SI: variants seen among roughly 807,000 people sequenced by gnomAD.
SI encodes sucrase-isomaltase, intestinal.
SI carries 235 observed loss-of-function variants against 253.3 expected under a neutral mutation model. The ratio of observed to expected loss-of-function variants is 0.93; its 90% CI spans 0.83 to 1.03. The LOEUF (loss-of-function observed/expected upper bound fraction) is 1.03. Among genes scored for constraint, SI ranks in the 50% least tolerant of loss-of-function variants. SI has a pLI of 0.00. For synonymous variants in SI, 819 were observed against 712.0 expected (o/e 1.15, Z -2.39); for missense variants, 2,442 against 2,211.1 (o/e 1.10, Z -2.09).
upstream of SI, among the ~76,000 whole-genome samples, chr3:165,082,335 A>T (rs1035409126): frequency 6.6e-6 from 1 of 151,882 alleles, no homozygotes; most frequent in Admixed American, 6.6e-5. Flanking sequence ...TAACAATTAC[A>T]TTATTGTAAT....
intron 16 of SI, among the ~76,000 whole-genome samples, chr3:165,045,582 T>C (rs911044295): frequency 6.6e-6 from 1 of 151,914 alleles, no homozygotes; most frequent in African/African-American, 2.4e-5. Flanking sequence ...ATTAATTTTT[T>C]CTCTTATTTT....
chr3:165,048,569 A>ATATATATATATATATATATATATATG lies in SI; in HGVS notation c.1715+557_1715+558insCATATATATATATATATATATATATA. 3.6e-5 allele frequency among the ~76,000 whole-genome samples: 2 copies of ATATATATATATATATATATATATATG among 55,306 alleles called. 1 individual carries two copies. The highest frequency in any genetic ancestry group is 1.1e-3 in the South Asian group (2 of 1,876). The allele number at this position is 55,306 out of a possible 152,430, so 36.3% of individuals were successfully genotyped here. A position where few individuals can be genotyped will look rare whatever the true frequency, so the allele number is the denominator to read the frequency against. On this transcript the variant is annotated intron_variant, in intron 15 of 47. Coordinates refer to ENST00000264382, the MANE Select transcript of SI (RefSeq NM_001041.4). The stretch of plus-strand genomic sequence containing the variant: ...AATATATATATACATATATATATGT[A>ATATATATATATATATATATATATATG]TATATATATATATATAGAGAGAGAG...
intron 16 of SI, among the ~76,000 whole-genome samples, chr3:165,045,832 GATA>G (rs1007379282): frequency 2.1e-5 from 3 of 140,338 alleles, no homozygotes; most frequent in Non-Finnish European, 3.1e-5. Flanking sequence ...GAATGAATTT[GATA>G]ATATGTTTTT....
chr3:165,026,693 CA>C (rs1174784916), intron 25 of SI, among the ~76,000 whole-genome samples: 1 of 151,168 alleles, frequency 6.6e-6, no homozygotes, highest in Non-Finnish European at 1.5e-5. Context: ...CAAATACATG[CA>C]AATTAAATAA....
Position 165,059,206 on chromosome 3 carries a change from C to T in SI, c.1240G>A (p.Asp414Asn), listed in dbSNP as rs1310650444. The T allele has an allele frequency of 1.2e-6, 2 of 1,612,710 alleles. No individual in the cohort carries two copies. ...TATTTCTGTCCATGGTCATGCAAAT[C>T]TTGCACAAATTGAGGGAGTCCGTTA... The part of the protein sequence containing the change: ...AFNGLPQFVQ[D>N]LHDHGQKYVI... The change falls in exon 11 of 48, where the codon GAT becomes AAT. Residue 414 changes from aspartate (D) to asparagine (N), a missense_variant. Asp to Asn is a conservative substitution (Grantham distance 23). Coordinates refer to ENST00000264382, the MANE Select transcript of SI (RefSeq NM_001041.4).
chr3:165,016,685 A>G (rs953559065), intron 31 of SI, among the ~76,000 whole-genome samples: 5 of 151,968 alleles, frequency 3.3e-5, no homozygotes, highest in Admixed American at 2.0e-4. Flanking sequence ...TTTGAATTGT[A>G]TCATGGAATA....
chr3:165,031,533 T>C (rs973670974), intron 24 of SI, among the ~76,000 whole-genome samples: 2 of 149,966 alleles, frequency 1.3e-5, no homozygotes, highest in African/African-American at 2.4e-5. Flanking sequence ...TTTATTCTTA[T>C]AGTGCTAGGA....
At chr3:165,089,274 G>A in the SI span, among the ~76,000 whole-genome samples, 2 of 152,002 alleles carry the variant, frequency 1.3e-5, no homozygotes, top group African/African-American at 4.8e-5. Context: ...ATAGAAACAG[G>A]AGAGATTAAA....
At position 164,982,124 on chromosome 3, in the gene SI, A is replaced by G. The variant is rs1484649202; in HGVS notation, c.5415+119T>C. ...ATATGGAGGCCTAATGAAAAGGAAT[A>G]TATGAAGAATGTCATAATTGACTCA... On this transcript the variant is annotated intron_variant, in intron 47 of 47. Transcript: ENST00000264382. 1.1e-5 allele frequency: 8 copies of G among 719,590 alleles called. No individual in the cohort carries two copies. The Admixed American group carries it at 1.9e-4, about 17-fold the overall frequency. The allele number at this position is 719,590 out of a possible 1,614,324, so 44.6% of individuals were successfully genotyped here.
chr3:165,079,811 G>C (rs980644485), upstream of SI, among the ~76,000 whole-genome samples: 2 of 151,716 alleles, frequency 1.3e-5, no homozygotes, highest in Admixed American at 1.3e-4. Flanking sequence ...AGAGATATAA[G>C]TTGATAGATA....
At chr3:165,036,323 T>C in intron 22 of SI, 66 bp downstream of exon 22, 1 of 1,045,324 alleles carries the variant, frequency 9.6e-7, no homozygotes, top group Non-Finnish European at 1.5e-6. Flanking sequence ...ATACAACCTA[T>C]ATCAATAAAG....
chr3:165,022,535 T>TCTCACA (rs142466625), intron 26 of SI, among the ~76,000 whole-genome samples: 4 of 137,936 alleles, frequency 2.9e-5, no homozygotes, highest in African/African-American at 1.1e-4. Flanking sequence ...TTGTGCCATC[T>TCTCACA]CACACACACA....
chr3:165,026,915 A>G (rs548006655), intron 25 of SI, among the ~76,000 whole-genome samples: 1 of 151,668 alleles, frequency 6.6e-6, no homozygotes, highest in South Asian at 2.1e-4. Context: ...TCAAGGAACT[A>G]GAGAAACAAG....
rs767920527 is a variant in SI at position 165,068,757 on chromosome 3, T to C, written c.448A>G (p.Thr150Ala). Residue 150 changes from threonine (T) to alanine (A), a missense_variant, in exon 5 of 48, where the codon ACT becomes GCT. Physicochemically the swap from Thr to Ala is moderately conservative, Grantham distance 58. Transcript: ENST00000264382. ...AAACGATTGGGTGTCTGATTTTGAG[T>C]TGTGAAGAGAACACTGTTGATGTCA... Reference protein sequence around the residue: ...GNDINSVLFTTQNQTPNRFRF... With the variant: ...GNDINSVLFTAQNQTPNRFRF... The C allele has an allele frequency of 7.4e-6, 12 of 1,613,748 alleles. No individual in the cohort carries two copies. The highest frequency in any genetic ancestry group is 4.5e-5 in the East Asian group (2 of 44,868).
At chr3:165,011,094 C>T (rs908126127) in intron 34 of SI, among the ~76,000 whole-genome samples, 1 of 152,146 alleles carries the variant, frequency 6.6e-6, no homozygotes, top group South Asian at 2.1e-4. Flanking sequence ...TTGATATTTT[C>T]TATTTATTTT....
chr3:164,992,353 A>G lies in SI; in HGVS notation c.4886T>C (p.Leu1629Ser). The G allele has an allele frequency of 6.2e-7, 1 of 1,613,344 alleles. No homozygotes were observed. The highest frequency in any genetic ancestry group is 8.5e-7 in the Non-Finnish European group (1 of 1,179,478). ...KPTWDIFKQF[L>S]WGPAFMVTPV... Reference sequence around the variant, plus strand: ...GGTAACCATAAATGCTGGACCCCATAAGAACTGCTTGAATATATCCCAGGT... The same window carrying G: ...GGTAACCATAAATGCTGGACCCCATGAGAACTGCTTGAATATATCCCAGGT... The change falls in exon 42 of 48, where the codon TTA becomes TCA. Residue 1629 changes from leucine to serine, a missense_variant. By Grantham distance (145) the Leu-to-Ser change is moderately radical (BLOSUM62 -2). Coordinates refer to ENST00000264382, the MANE Select transcript of SI (RefSeq NM_001041.4).
chr3:165,022,974 T>C (rs973246099), intron 26 of SI, among the ~76,000 whole-genome samples: 3 of 151,604 alleles, frequency 2.0e-5, no homozygotes, highest in African/African-American at 7.2e-5. Flanking sequence ...TTTTTGATGA[T>C]TTATTATTTG....
rs369766462 is a variant in SI, at chr3:165,047,526, TTTG to T, written c.1716-517_1716-515del. Among the ~76,000 whole-genome samples the T allele has an allele frequency of 1.2e-4, 19 of 152,218 alleles. No individual in the cohort carries two copies. The East Asian group carries it at 3.5e-3, about 28-fold the overall frequency. On this transcript the variant is annotated intron_variant, in intron 15 of 47. Transcript: ENST00000264382. The stretch of plus-strand genomic sequence containing the variant: ...TCAAAATTTTATATCAATTTTGTAT[TTTG>T]TTATTAATATTTACTTATTTAAATA...
At chr3:165,003,178 G>T (rs553144636) in intron 37 of SI, among the ~76,000 whole-genome samples, 3 of 151,938 alleles carry the variant, frequency 2.0e-5, no homozygotes, top group Admixed American at 2.0e-4. Context: ...CAAGAATCAT[G>T]TTTGACTCTG....
Sources: allele counts gnomAD v4.1 joint callset (sites outside exome capture counted in the v4.1 genomes callset), GRCh38; gene constraint gnomAD v4.1.1; transcripts MANE v1.5; gene names NCBI Gene and HGNC (gene_info 2026-07-23, HGNC 2026-07-21).